The following BPIFA3 variants were observed in gnomAD, a reference collection of about 807,000 sequenced individuals.
The protein encoded by BPIFA3 is BPI fold-containing family A member 3.
In BPIFA3, 32 loss-of-function variants were observed where a neutral mutation model predicts 29.7. The observed-to-expected ratio is 1.08, with a 90% CI of 0.81 to 1.45. The LOEUF (loss-of-function observed/expected upper bound fraction) is 1.45. Among genes scored for constraint, BPIFA3 ranks in the 40% most tolerant of loss-of-function variants. The probability of loss-of-function intolerance (pLI) is 0.00; values close to 1 mark genes in which losing one functional copy is unlikely to be tolerated. For missense variants in BPIFA3, 323 were observed against 311.3 expected, an observed-to-expected ratio of 1.04 and a Z score of -0.28; for synonymous variants, 112 against 113.7, an observed-to-expected ratio of 0.98 and a Z score of 0.10.
In BPIFA3 at chr20:33,223,839, C is replaced by T. The variant is rs758368178; in HGVS notation, c.156C>T (p.Asn52=). Residue 52 remains asparagine, a synonymous_variant, in exon 2 of 7, where the codon AAC becomes AAT. Coordinates refer to ENST00000375454, the MANE Select transcript of BPIFA3 (RefSeq NM_178466.5). ...TTGCTCAGGGCCTCATAAAGCACAA[C>T]GCAGAAAGCCGAATTCAGAACATCC... is the stretch of plus-strand genomic sequence containing the variant. ...RIIAQGLIKH[N]AESRIQNIHF... 22 of 1,613,914 alleles carry T rather than the reference C, an allele frequency of 1.4e-5. No individual in the cohort carries two copies. Among genetic ancestry groups the T allele is most frequent in the Admixed American group, 5.0e-5 (3 of 59,994 alleles).
intron 1 of BPIFA3, 102 bp from the exon 2 acceptor site, chr20:33,223,709 C>T: frequency 7.7e-7 from 1 of 1,305,276 alleles, no homozygotes; most frequent in Non-Finnish European, 1.1e-6. Flanking sequence ...ACTCACTAAG[C>T]AATCAGATCT....
At chr20:33,226,326 G>A (rs1376760147) in intron 4 of BPIFA3, 80 bp from the exon 5 acceptor site, 2 of 1,015,980 alleles carry the variant, frequency 2.0e-6, no homozygotes, top group Non-Finnish European at 3.0e-6. Flanking sequence ...ACTGTGGAAA[G>A]TATACTCAAC....
intron 1 of BPIFA3, among the ~76,000 whole-genome samples, chr20:33,221,929 T>A (rs540878297): frequency 2.6e-5 from 4 of 152,232 alleles, no homozygotes; most frequent in African/African-American, 9.6e-5. Flanking sequence ...CTGGAAAGTA[T>A]GTGAAAAGTT....
At chr20:33,224,174 C>A (rs1985664014) in intron 2 of BPIFA3, among the ~76,000 whole-genome samples, 181 bp from the exon 3 acceptor site, 1 of 152,214 alleles carries the variant, frequency 6.6e-6, no homozygotes, top group South Asian at 2.1e-4. Flanking sequence ...CACTCTGGGG[C>A]AGCTTGCAGT....
intron 3 of BPIFA3, among the ~76,000 whole-genome samples, chr20:33,224,665 G>A (rs73256026): frequency 0.015 from 2,225 of 152,292 alleles, 62 homozygotes; most frequent in African/African-American, 0.051. Context: ...TCAGTGGAAG[G>A]AAGTCATTTG....
At position 33,227,574 on chromosome 20, in the gene BPIFA3, C is replaced by T; in HGVS notation, c.722C>T (p.Thr241Ile). ...GCTCATGAACCAACCCACCATGAAA[C>T]CAGCCAACCCTCTGCATGCCAGGCT... ...EAAHEPTHHE[T>I]SQPSACQAGE... Residue 241 changes from threonine to isoleucine, a missense_variant, in exon 7 of 7, where the codon ACC (threonine) becomes ATC (isoleucine). Coordinates refer to ENST00000375454, the MANE Select transcript of BPIFA3 (RefSeq NM_178466.5). 1 of 1,614,136 alleles carries T rather than the reference C, an allele frequency of 6.2e-7. No homozygotes were observed. The highest frequency in any genetic ancestry group is 2.2e-5 in the East Asian group (1 of 44,880).
intron 5 of BPIFA3, 137 bp from the exon 6 acceptor site, chr20:33,226,793 G>A (rs995935802): frequency 1.8e-5 from 17 of 929,714 alleles, no homozygotes; most frequent in South Asian, 1.2e-4. Context: ...GGTAGTTGGC[G>A]CTCACTACAA....
intron 1 of BPIFA3, 54 bp downstream of exon 1, chr20:33,217,717 G>C (rs186303183): frequency 6.4e-7 from 1 of 1,565,746 alleles, no homozygotes; most frequent in African/African-American, 1.4e-5. Flanking sequence ...GAGGTGGGAA[G>C]GTGCCATCTG....
At chr20:33,227,127 A>G (rs1985822854) in intron 6 of BPIFA3, 134 bp downstream of exon 6, 2 of 738,016 alleles carry the variant, frequency 2.7e-6, no homozygotes, top group African/African-American at 1.7e-5. Context: ...TTTAGAGGTG[A>G]CCATATTATG....
At chr20:33,225,532 C>T in intron 4 of BPIFA3, 1 of 402,000 alleles carries the variant, frequency 2.5e-6, no homozygotes, top group South Asian at 3.5e-5. Context: ...ACTCCACTAC[C>T]TGGAGCACTA....
chr20:33,227,304 C>G (rs926405698), intron 6 of BPIFA3, among the ~76,000 whole-genome samples: 4 of 152,186 alleles, frequency 2.6e-5, no homozygotes, highest in African/African-American at 7.2e-5. Flanking sequence ...AAACCTGAGA[C>G]CATCTCTACT....
chr20:33,226,293 T>C, intron 4 of BPIFA3, 113 bp from the exon 5 acceptor site: 2 of 765,190 alleles, frequency 2.6e-6, no homozygotes, highest in South Asian at 1.6e-5. Context: ...ACTTCTGGCA[T>C]GGGGCTGAGT....
At chr20:33,226,075 A>T (rs1985765776) in intron 4 of BPIFA3, 1 of 228,498 alleles carries the variant, frequency 4.4e-6, no homozygotes, top group African/African-American at 2.3e-5. Flanking sequence ...GCTGAAAGCA[A>T]TGAAGACCTC....
rs1042631561 is a variant in BPIFA3 at position 33,227,755 on chromosome 20, G to T, written c.*138G>T. On this transcript the variant is annotated 3_prime_UTR_variant, in exon 7 of 7. Coordinates refer to ENST00000375454, the MANE Select transcript of BPIFA3 (RefSeq NM_178466.5). ...CCTACAATAAACTCTAGCTCTGAAG[G>T]GTGCACAGGTCCCTCCCACCTGGGC... 27 of 684,084 alleles carry T rather than the reference G, an allele frequency of 3.9e-5. No individual in the cohort carries two copies. Among genetic ancestry groups the T allele is most frequent in the Middle Eastern group, 2.4e-4 (1 of 4,096 alleles). 42.4% of individuals were successfully genotyped at this position (684,084 alleles called of 1,614,324 possible). A position where few individuals can be genotyped will look rare whatever the true frequency, so the allele number is the denominator to read the frequency against.
chr20:33,222,587 GA>G (rs1985568125), intron 1 of BPIFA3, among the ~76,000 whole-genome samples: 4 of 133,456 alleles, frequency 3.0e-5, no homozygotes, highest in African/African-American at 8.3e-5. Context: ...TGGATGGATG[GA>G]TGGATGGATG....
At position 33,226,934 on chromosome 20, in the gene BPIFA3, G is replaced by A; in HGVS notation, c.626G>A (p.Cys209Tyr). ...VLPHMVESQV[C>Y]PLIGEILGQL... The stretch of plus-strand genomic sequence containing the variant: ...CTCTCTGTGCTGATGGTCCAGGTAT[G>A]TCCTCTGATCGGTGAAATCCTCGGG... The change falls in exon 6 of 7, where the codon TGT becomes TAT. Residue 209 changes from cysteine (C) to tyrosine (Y), a missense_variant. Transcript: ENST00000375454. 2 of 1,614,128 alleles carry A rather than the reference G, an allele frequency of 1.2e-6. No homozygotes were observed. Among genetic ancestry groups the A allele is most frequent in the Non-Finnish European group, 1.7e-6 (2 of 1,180,010 alleles).
In BPIFA3 at chr20:33,225,230, T is replaced by G. The variant is rs761510570; in HGVS notation, c.519T>G (p.His173Gln). 1.2e-6 allele frequency: 2 copies of G among 1,613,942 alleles called. No homozygotes were observed. The highest frequency in any genetic ancestry group is 1.7e-6 in the Non-Finnish European group (2 of 1,180,018). ...GCGATGCAGAGCCCAGCAGTGTCCATGTGGCCATCCTCACTGAGTAAGACC... is the reference window on the plus strand; with the variant it reads ...GCGATGCAGAGCCCAGCAGTGTCCAGGTGGCCATCCTCACTGAGTAAGACC... ...GKCDAEPSSV[H>Q]VAILTEAIPP... The change falls in exon 4 of 7, where the codon CAT (histidine) becomes CAG (glutamine). Residue 173 changes from histidine to glutamine, a missense_variant. By Grantham distance (24) the His-to-Gln change is conservative. Coordinates refer to ENST00000375454, the MANE Select transcript of BPIFA3 (RefSeq NM_178466.5).
At chr20:33,222,595 GA>G (rs1283753456) in intron 1 of BPIFA3, among the ~76,000 whole-genome samples, 1,420 of 132,792 alleles carry the variant, frequency 0.011, 43 homozygotes, top group African/African-American at 0.049. Flanking sequence ...TGGATGGATG[GA>G]TGGATGGATG....
intron 1 of BPIFA3, chr20:33,223,342 T>C (rs1490331387): frequency 6.4e-6 from 1 of 156,280 alleles, no homozygotes; most frequent in Admixed American, 6.2e-5. Flanking sequence ...AGCATCTCCA[T>C]AGCTTTAAAA....
Sources: gnomAD v4.1 joint callset for allele counts (sites outside exome capture counted in the v4.1 genomes callset) on GRCh38, gnomAD v4.1.1 for gene constraint, MANE v1.5 for transcripts, NCBI Gene and HGNC (gene_info 2026-07-23, HGNC 2026-07-21) for gene names.